Variants in NREP observed in about 807,000 individuals in gnomAD.
NREP encodes neuronal regeneration-related protein.
In NREP, 5 loss-of-function variants were observed where a neutral mutation model predicts 8.6. The observed-to-expected ratio is 0.58, with a 90% confidence interval of 0.30 to 1.22. NREP has a LOEUF of 1.22. NREP is among the 50% of genes most tolerant of loss of function. The pLI is 0.07. For missense variants in NREP, 86 were observed against 82.5 expected (o/e 1.04, Z -0.17); for synonymous variants, 27 against 28.0 (o/e 0.96, Z 0.11).
chr5:111,741,448 T>G (rs1357646986), intron 2 of NREP, among the ~76,000 whole-genome samples: 1 of 152,136 alleles, frequency 6.6e-6, no homozygotes, highest in South Asian at 2.1e-4. Context: ...TGTTCCCAGG[T>G]GTTACTGGTC....
rs1337634845 is a variant in NREP, at chr5:111,864,344, T to A, written c.135+110930A>T. Among the ~76,000 whole-genome samples, 4 of 152,136 alleles carry A rather than the reference T, an allele frequency of 2.6e-5. No individual in the cohort carries two copies. In the South Asian group the frequency reaches 8.3e-4, roughly 32 times the overall value. ...GAGATATTATTGAGTTAAGAAGGCA[T>A]GCAGTGCTCTCTTTTAGCTGAATAG... On this transcript the variant is annotated intron_variant, in intron 2 of 3. Transcript: ENST00000395634.
chr5:111,786,760 T>C (rs569408772), intron 2 of NREP, among the ~76,000 whole-genome samples: 1 of 152,228 alleles, frequency 6.6e-6, no homozygotes, highest in South Asian at 2.1e-4. Context: ...TTTATCAATG[T>C]TAATCTTCCT....
intron 2 of NREP, among the ~76,000 whole-genome samples, chr5:111,796,165 G>T (rs868502112): frequency 6.6e-6 from 1 of 152,166 alleles, no homozygotes; most frequent in African/African-American, 2.4e-5. Context: ...CTTGGCTGGT[G>T]ACTCCTTCCT....
chr5:111,880,961 C>T (rs1167070330), intron 2 of NREP, among the ~76,000 whole-genome samples: 3 of 152,128 alleles, frequency 2.0e-5, no homozygotes, highest in Non-Finnish European at 2.9e-5. Flanking sequence ...CTAGGGAGTG[C>T]CAGACAGTGG....
At position 111,837,008 on chromosome 5, in the gene NREP, A is replaced by AT. The variant is rs1198047839; in HGVS notation, c.136-101502dup. Among the ~76,000 whole-genome samples the AT allele has an allele frequency of 7.2e-5, 11 of 152,240 alleles. No individual in the cohort carries two copies. In the East Asian group the frequency reaches 2.1e-3, roughly 29 times the overall value. ...TTGAATTCACTTGAATTTAATTCCA[A>AT]TTAAGCCTAAGAAAATCCAGAAGGT... On this transcript the variant is annotated intron_variant, in intron 2 of 3. Coordinates refer to the NREP transcript ENST00000395634.
intron 2 of NREP, 133 bp downstream of exon 2, chr5:111,755,637 G>A (rs936345898): frequency 2.0e-6 from 2 of 989,026 alleles, no homozygotes. Context: ...AGGAACTGGA[G>A]ATAGAACCTT....
intron 2 of NREP, among the ~76,000 whole-genome samples, chr5:111,975,026 G>A (rs1294756150): frequency 6.6e-6 from 1 of 152,218 alleles, no homozygotes; most frequent in Non-Finnish European, 1.5e-5. Context: ...ACTTGGGATG[G>A]ATGCTAAGTA....
chr5:111,729,342 A>AAAAT lies in NREP; in HGVS notation c.*1575_*1578dup, dbSNP rs1748347799. The AAAAT allele has an allele frequency of 6.6e-6, 1 of 152,234 alleles. No individual in the cohort carries two copies. Among genetic ancestry groups the AAAAT allele is most frequent in the African/African-American group, 2.4e-5 (1 of 41,462 alleles). The allele number at this position is 152,234 out of a possible 1,614,324, so 9.4% of individuals were successfully genotyped here. ...GCGTATTTATTGAACAAATACTACT[A>AAAAT]AAATAGCTAAAATACATTGGGTACT... On this transcript the variant is annotated 3_prime_UTR_variant, in exon 4 of 4. Coordinates refer to ENST00000257435, the MANE Select transcript of NREP (RefSeq NM_004772.4).
intron 2 of NREP, among the ~76,000 whole-genome samples, chr5:111,741,564 T>A (rs1749665619): frequency 6.6e-6 from 1 of 152,176 alleles, no homozygotes; most frequent in African/African-American, 2.4e-5. Flanking sequence ...GATGATGCAC[T>A]GTGCTGTCTC....
intron 2 of NREP, among the ~76,000 whole-genome samples, chr5:111,961,299 G>A (rs1458757300): frequency 6.6e-6 from 1 of 152,202 alleles, no homozygotes. Context: ...AGCCACCAGT[G>A]CCCAGTGGAT....
chr5:111,793,837 T>C (rs1751811892), intron 2 of NREP, among the ~76,000 whole-genome samples: 2 of 152,158 alleles, frequency 1.3e-5, no homozygotes, highest in South Asian at 4.1e-4. Context: ...GGCAGGAAGA[T>C]ACCTTGAAGC....
At chr5:111,832,691 A>G (rs1175162544) in intron 2 of NREP, among the ~76,000 whole-genome samples, 1 of 152,106 alleles carries the variant, frequency 6.6e-6, no homozygotes, top group African/African-American at 2.4e-5. Context: ...ATTTCCCTTA[A>G]TTTTACTGAG....
intron 2 of NREP, among the ~76,000 whole-genome samples, chr5:111,796,116 G>A (rs1194634642): frequency 6.6e-6 from 1 of 152,144 alleles, no homozygotes; most frequent in Non-Finnish European, 1.5e-5. Context: ...GAGGCTCTAT[G>A]GAAGAGCCTT....
chr5:111,927,394 G>A (rs1755418647), intron 2 of NREP, among the ~76,000 whole-genome samples: 1 of 152,128 alleles, frequency 6.6e-6, no homozygotes, highest in African/African-American at 2.4e-5. Flanking sequence ...TAAGCTAGCA[G>A]AAAGGGTGAA....
intron 2 of NREP, among the ~76,000 whole-genome samples, chr5:111,884,086 T>C (rs958379579): frequency 7.9e-5 from 12 of 151,302 alleles, no homozygotes; most frequent in Non-Finnish European, 1.3e-4. Context: ...GGAAGACCAA[T>C]AAAGAAGAAA....
At chr5:111,972,177 A>G (rs1490634412) in intron 2 of NREP, among the ~76,000 whole-genome samples, 1 of 152,216 alleles carries the variant, frequency 6.6e-6, no homozygotes, top group Non-Finnish European at 1.5e-5. Flanking sequence ...AATTAAAGCT[A>G]CAATGAGATA....
At chr5:111,796,344 C>G (rs1751873113) in intron 2 of NREP, among the ~76,000 whole-genome samples, 1 of 152,126 alleles carries the variant, frequency 6.6e-6, no homozygotes, top group South Asian at 2.1e-4. Context: ...TAATCTGTCT[C>G]AAAATTCTTA....
At chr5:111,879,395 G>A (rs985247045) in intron 2 of NREP, among the ~76,000 whole-genome samples, 1 of 152,162 alleles carries the variant, frequency 6.6e-6, no homozygotes, top group Non-Finnish European at 1.5e-5. Context: ...GCATTCTAAT[G>A]GAGAAAATAG....
intron 2 of NREP, among the ~76,000 whole-genome samples, chr5:111,934,594 G>T (rs1449684179): frequency 6.6e-6 from 1 of 152,106 alleles, no homozygotes; most frequent in Non-Finnish European, 1.5e-5. Flanking sequence ...GCTCCCTGGA[G>T]TTAAACATGA....
Sources: allele counts gnomAD v4.1 joint callset (sites outside exome capture counted in the v4.1 genomes callset), GRCh38; gene constraint gnomAD v4.1.1; transcripts MANE v1.5; gene names NCBI Gene and HGNC (gene_info 2026-07-23, HGNC 2026-07-21).